The following SNX4 variants were observed in gnomAD, a reference collection of about 807,000 sequenced individuals.
SNX4 encodes sorting nexin-4.
Under a neutral mutation model 70.8 loss-of-function variants are expected in SNX4, and 49 were observed. The observed-to-expected ratio is 0.69, with a 90% CI of 0.55 to 0.88. SNX4 has a LOEUF of 0.88. Ranked by LOEUF, SNX4 falls within the 40% of genes least tolerant of loss-of-function variation. The pLI is 0.00. For missense variants in SNX4, 528 were observed against 544.8 expected (o/e 0.97, Z 0.31); for synonymous variants, 206 against 183.8 (o/e 1.12, Z -0.98).
At chr3:125,496,879 G>C (rs576913725) in intron 5 of SNX4, among the ~76,000 whole-genome samples, 35 of 152,068 alleles carry the variant, frequency 2.3e-4, no homozygotes, top group Non-Finnish European at 4.7e-4. Context: ...TCAACAGACA[G>C]AAGAAGCATG....
At chr3:125,493,335 T>C (rs1367777088) in intron 5 of SNX4, among the ~76,000 whole-genome samples, 1 of 152,164 alleles carries the variant, frequency 6.6e-6, no homozygotes, top group African/African-American at 2.4e-5. Flanking sequence ...CTCATGCTTA[T>C]GTTAAATAGA....
At chr3:125,511,974 T>C (rs1263276590) in intron 1 of SNX4, among the ~76,000 whole-genome samples, 1 of 151,946 alleles carries the variant, frequency 6.6e-6, no homozygotes, top group East Asian at 1.9e-4. Context: ...GTAAAAATGC[T>C]AAAAGAAGAT....
At chr3:125,461,846 AG>A (rs373313023) in intron 9 of SNX4, among the ~76,000 whole-genome samples, 369 of 152,176 alleles carry the variant, frequency 2.4e-3, no homozygotes, top group African/African-American at 8.5e-3. Context: ...TATTTTTAGT[AG>A]AGAAGGGGTT....
At chr3:125,452,938 T>C (rs1463434815) in intron 12 of SNX4, among the ~76,000 whole-genome samples, 3 of 152,108 alleles carry the variant, frequency 2.0e-5, no homozygotes, top group Non-Finnish European at 2.9e-5. Context: ...ATTCTATCTA[T>C]TACTTTGCCA....
At chr3:125,519,113 C>G (rs1334709902) in intron 1 of SNX4, among the ~76,000 whole-genome samples, 1 of 152,010 alleles carries the variant, frequency 6.6e-6, no homozygotes, top group African/African-American at 2.4e-5. Flanking sequence ...ATTGTTTGAG[C>G]CTGGGGGGTC....
At chr3:125,485,844 G>A (rs564112632) in intron 6 of SNX4, among the ~76,000 whole-genome samples, 70 of 152,066 alleles carry the variant, frequency 4.6e-4, no homozygotes, top group African/African-American at 1.5e-3. Flanking sequence ...CTATCTGTAA[G>A]CATTCTGTTT....
intron 6 of SNX4, among the ~76,000 whole-genome samples, chr3:125,485,927 G>A (rs954975479): frequency 5.3e-5 from 8 of 151,962 alleles, no homozygotes; most frequent in African/African-American, 1.7e-4. Context: ...TGCAACCTCC[G>A]CCTCCCGGGT....
chr3:125,492,885 T>C (rs1934694534), intron 5 of SNX4, among the ~76,000 whole-genome samples: 1 of 152,194 alleles, frequency 6.6e-6, no homozygotes, highest in Non-Finnish European at 1.5e-5. Flanking sequence ...ACCTTGGCTC[T>C]GGTAGTCCTT....
chr3:125,495,250 T>TTATATATATATATATATATATATATATA lies in SNX4; in HGVS notation c.597+2063_597+2090dup, dbSNP rs759787193. On this transcript the variant is annotated intron_variant, in intron 5 of 13. Coordinates refer to ENST00000251775, the MANE Select transcript of SNX4 (RefSeq NM_003794.4). ...GAAATGTGATACACTCATTCTCTCT[T>TTATATATATATATATATATATATATATA]TATATATATATATATATATATATAT... is the stretch of plus-strand genomic sequence containing the variant. Among the ~76,000 whole-genome samples the TTATATATATATATATATATATATATATA allele has an allele frequency of 6.7e-3, 254 of 37,968 alleles. 24 individuals carry two copies. Among genetic ancestry groups the TTATATATATATATATATATATATATATA allele is most frequent in the Non-Finnish European group, 0.011 (180 of 16,148 alleles). The allele number at this position is 37,968 out of a possible 152,430, so 24.9% of individuals were successfully genotyped here.
intron 6 of SNX4, among the ~76,000 whole-genome samples, chr3:125,488,798 T>G (rs994272992): frequency 6.6e-6 from 1 of 152,228 alleles, no homozygotes; most frequent in South Asian, 2.1e-4. Flanking sequence ...TAAAAAACTC[T>G]AACTGAACCA....
intron 8 of SNX4, among the ~76,000 whole-genome samples, chr3:125,473,220 A>G (rs1934217356): frequency 6.6e-6 from 1 of 152,050 alleles, no homozygotes; most frequent in South Asian, 2.1e-4. Flanking sequence ...CCCGGTGTCT[A>G]CTGTTGCCAT....
chr3:125,451,865 G>C (rs1290178515), intron 12 of SNX4, among the ~76,000 whole-genome samples: 1 of 151,926 alleles, frequency 6.6e-6, no homozygotes, highest in Non-Finnish European at 1.5e-5. Context: ...GAGCTCAGGT[G>C]ATCTGCCCAC....
At chr3:125,505,390 C>T (rs960298427) in intron 1 of SNX4, among the ~76,000 whole-genome samples, 2 of 152,328 alleles carry the variant, frequency 1.3e-5, no homozygotes, top group Non-Finnish European at 2.9e-5. Flanking sequence ...ACGACAACTG[C>T]ACTGGCAGAC....
chr3:125,483,514 T>G (rs1023303035), intron 6 of SNX4, among the ~76,000 whole-genome samples: 12 of 152,186 alleles, frequency 7.9e-5, no homozygotes, highest in Non-Finnish European at 1.8e-4. Flanking sequence ...TCAGAATACT[T>G]AAATTAGGTG....
At chr3:125,477,032 G>C (rs1445263488) in intron 7 of SNX4, among the ~76,000 whole-genome samples, 1 of 152,056 alleles carries the variant, frequency 6.6e-6, no homozygotes, top group Non-Finnish European at 1.5e-5. Context: ...TTACCCATCA[G>C]GTATTTAATA....
intron 8 of SNX4, among the ~76,000 whole-genome samples, chr3:125,476,265 C>CAAA (rs749425097): frequency 3.8e-4 from 18 of 46,776 alleles, no homozygotes; most frequent in African/African-American, 8.5e-4. Flanking sequence ...GACTCCATCT[C>CAAA]AAAAAAAAAA....
At chr3:125,452,551 C>T (rs7618718) in intron 12 of SNX4, among the ~76,000 whole-genome samples, 6,218 of 152,030 alleles carry the variant, frequency 0.041, 235 homozygotes, top group African/African-American at 0.1. Context: ...CACTGCACTC[C>T]GGCCTGGGCA....
chr3:125,495,275 T>TATATATATATATACACAC, intron 5 of SNX4, among the ~76,000 whole-genome samples: 7 of 83,062 alleles, frequency 8.4e-5, no homozygotes, highest in African/African-American at 2.5e-4. Context: ...TATATATATA[T>TATATATATATATACACAC]ATACACATAC....
intron 8 of SNX4, among the ~76,000 whole-genome samples, chr3:125,474,326 A>AT (rs202001209): frequency 0.048 from 7,295 of 151,680 alleles, 414 homozygotes; most frequent in African/African-American, 0.13. Context: ...TTTTGTTTTT[A>AT]TTTTTTTGAG....
Sources: allele counts gnomAD v4.1 joint callset (sites outside exome capture counted in the v4.1 genomes callset), GRCh38; gene constraint gnomAD v4.1.1; transcripts MANE v1.5; gene names NCBI Gene and HGNC (gene_info 2026-07-23, HGNC 2026-07-21).